ARID1B: variants seen among roughly 807,000 people sequenced by gnomAD.
ARID1B encodes the protein AT-rich interaction domain 1B, also known as AT-rich interactive domain-containing protein 1B.
Under a neutral mutation model 212.3 loss-of-function variants are expected in ARID1B, and 30 were observed. The ratio of observed to expected loss-of-function variants is 0.14; its 90% CI spans 0.11 to 0.19. The LOEUF (loss-of-function observed/expected upper bound fraction) is 0.19, where lower values mean the gene tolerates loss of function less well. ARID1B is among the 10% of genes least tolerant of loss of function. ARID1B has a pLI of 1.00. For missense variants in ARID1B, 2,891 were observed against 3,204.0 expected (o/e 0.90, Z 2.36); for synonymous variants, 1,402 against 1,301.7 (o/e 1.08, Z -1.66).
chr6:157,143,696 G>T (rs942865763), intron 7 of ARID1B, among the ~76,000 whole-genome samples: 2 of 152,208 alleles, frequency 1.3e-5, no homozygotes, highest in African/African-American at 2.4e-5. Context: ...TTCACACCCA[G>T]ATGCTGAAGC....
chr6:157,030,595 A>G (rs1218201060), intron 4 of ARID1B, among the ~76,000 whole-genome samples: 1 of 152,224 alleles, frequency 6.6e-6, no homozygotes, highest in East Asian at 1.9e-4. Flanking sequence ...AGAGAACATA[A>G]TTGGAAATAA....
intron 2 of ARID1B, chr6:156,871,668 C>T: frequency 6.2e-7 from 1 of 1,610,734 alleles, no homozygotes; most frequent in South Asian, 1.1e-5. Context: ...TATCTTCTTA[C>T]ATGCTCTTAC....
At chr6:157,116,946 A>G (rs1787357740) in intron 6 of ARID1B, among the ~76,000 whole-genome samples, 1 of 152,182 alleles carries the variant, frequency 6.6e-6, no homozygotes, top group African/African-American at 2.4e-5. Context: ...CTATAGTTCT[A>G]TAGAGAAAAT....
chr6:157,001,446 C>T (rs1370177325), intron 4 of ARID1B, among the ~76,000 whole-genome samples: 1 of 152,208 alleles, frequency 6.6e-6, no homozygotes, highest in African/African-American at 2.4e-5. Flanking sequence ...GGTTCTGGTT[C>T]ACTTTACACA....
intron 4 of ARID1B, among the ~76,000 whole-genome samples, chr6:156,977,396 C>G (rs1292235884): frequency 2.0e-5 from 3 of 151,242 alleles, no homozygotes; most frequent in Non-Finnish European, 4.4e-5. Context: ...TCTTCAATTT[C>G]AGGCTTATTC....
Position 156,831,792 on chromosome 6 carries a change from G to A in ARID1B, c.1986+2371G>A, listed in dbSNP as rs146410299. Reference sequence around the variant, plus strand: ...CAGCAAATTTTTAATTAAGATTTTAGATTGGATATTTTACTGCTAACCAAA... The same window carrying A: ...CAGCAAATTTTTAATTAAGATTTTAAATTGGATATTTTACTGCTAACCAAA... On this transcript the variant is annotated intron_variant, in intron 2 of 19. Coordinates refer to ENST00000636930, the MANE Select transcript of ARID1B (RefSeq NM_001374828.1). 1.4e-3 allele frequency among the ~76,000 whole-genome samples: 209 copies of A among 152,270 alleles called. 1 individual carries two copies. The highest frequency in any genetic ancestry group is 1.3e-3 in the Non-Finnish European group (91 of 68,014).
chr6:157,161,388 A>T (rs896311057), intron 8 of ARID1B, among the ~76,000 whole-genome samples: 1 of 149,976 alleles, frequency 6.7e-6, no homozygotes. Flanking sequence ...CCAAAAATTG[A>T]CCAGGGCTTG....
chr6:156,983,955 T>C (rs556221147), intron 4 of ARID1B, among the ~76,000 whole-genome samples: 2 of 152,340 alleles, frequency 1.3e-5, no homozygotes, highest in East Asian at 3.9e-4. Flanking sequence ...GTGTTTGCTT[T>C]CCATCTACAT....
chr6:156,954,202 TC>T (rs1398450915), intron 4 of ARID1B, among the ~76,000 whole-genome samples: 26 of 151,736 alleles, frequency 1.7e-4, no homozygotes, highest in African/African-American at 6.1e-4. Context: ...AAAATGAAGT[TC>T]TTTTTTTTTT....
intron 4 of ARID1B, among the ~76,000 whole-genome samples, chr6:157,070,422 A>G (rs1401179216): frequency 6.6e-6 from 1 of 152,050 alleles, no homozygotes; most frequent in Non-Finnish European, 1.5e-5. Context: ...CTTTTTTGTT[A>G]CTAGTTAAAA....
At chr6:156,779,734 C>T (rs961717130) in intron 1 of ARID1B, 2 of 158,934 alleles carry the variant, frequency 1.3e-5, no homozygotes, top group Non-Finnish European at 2.7e-5. Context: ...ACCCGCGTCC[C>T]CCCCCTCCCC....
chr6:156,778,997 C>T lies in ARID1B; in HGVS notation c.1317C>T (p.Gly439=), dbSNP rs1778954316. 1.3e-5 allele frequency: 17 copies of T among 1,268,496 alleles called. No individual in the cohort carries two copies. Among genetic ancestry groups the T allele is most frequent in the East Asian group, 6.5e-5 (2 of 30,872 alleles). 78.6% of individuals were successfully genotyped at this position (1,268,496 alleles called of 1,614,324 possible). A position where few individuals can be genotyped will look rare whatever the true frequency, so the allele number is the denominator to read the frequency against. Residue 439 remains glycine, a synonymous_variant, in exon 1 of 20, where the codon GGC becomes GGT. Coordinates refer to ENST00000636930, the MANE Select transcript of ARID1B (RefSeq NM_001374828.1). Reference sequence around the variant, plus strand: ...CAGCAGCAGGAGGCGGCGGCGGCGGCGGCTATGGGGGCTCGTCCGCGGGGT... The same window carrying T: ...CAGCAGCAGGAGGCGGCGGCGGCGGTGGCTATGGGGGCTCGTCCGCGGGGT... ...AAAAAGGGGG[G]GYGGSSAGYG... is the part of the protein sequence containing the mutation.
intron 5 of ARID1B, among the ~76,000 whole-genome samples, chr6:157,085,415 C>G (rs1204197990): frequency 2.0e-5 from 3 of 152,174 alleles, no homozygotes; most frequent in Non-Finnish European, 4.4e-5. Context: ...AAACTCGTGC[C>G]TTCTCTTGGA....
chr6:156,863,327 A>G (rs929849637), intron 2 of ARID1B, among the ~76,000 whole-genome samples: 1 of 152,104 alleles, frequency 6.6e-6, no homozygotes, highest in Admixed American at 6.5e-5. Context: ...AGGACAGGGA[A>G]GTTGATTGCA....
intron 16 of ARID1B, among the ~76,000 whole-genome samples, chr6:157,198,163 C>A (rs1793862939): frequency 6.6e-6 from 1 of 152,042 alleles, no homozygotes; most frequent in Non-Finnish European, 1.5e-5. Context: ...TTATTCATTT[C>A]CATTTTAAGA....
intron 1 of ARID1B, among the ~76,000 whole-genome samples, chr6:156,826,629 C>CG (rs1562415244): frequency 6.8e-6 from 1 of 146,692 alleles, no homozygotes; most frequent in Non-Finnish European, 1.6e-5. Flanking sequence ...TGGCAGTTCT[C>CG]GGGGTCTGTG....
intron 4 of ARID1B, among the ~76,000 whole-genome samples, chr6:157,043,217 C>CT (rs1363668116): frequency 1.3e-5 from 2 of 152,164 alleles, no homozygotes; most frequent in Non-Finnish European, 2.9e-5. Flanking sequence ...CTTTGCTGCC[C>CT]TTAGCTTCCC....
At chr6:157,066,351 G>T (rs1783675914) in intron 4 of ARID1B, among the ~76,000 whole-genome samples, 1 of 152,026 alleles carries the variant, frequency 6.6e-6, no homozygotes, top group Admixed American at 6.5e-5. Flanking sequence ...TTTCCATTTT[G>T]GTTTTACTAT....
At chr6:156,792,044 C>T (rs984625288) in intron 1 of ARID1B, among the ~76,000 whole-genome samples, 3 of 152,114 alleles carry the variant, frequency 2.0e-5, no homozygotes, top group African/African-American at 7.2e-5. Context: ...GAATGTATGA[C>T]CTGTATCTGG....
Sources: gnomAD v4.1 joint callset for allele counts (sites outside exome capture counted in the v4.1 genomes callset) on GRCh38, gnomAD v4.1.1 for gene constraint, MANE v1.5 for transcripts, NCBI Gene and HGNC (gene_info 2026-07-23, HGNC 2026-07-21) for gene names.